Variants in HS1BP3 observed in about 807,000 individuals in gnomAD.
HS1BP3 encodes HCLS1-binding protein 3.
In HS1BP3, 32 loss-of-function variants were observed where a neutral mutation model predicts 33.5. That is an observed-to-expected ratio of 0.95 (90% CI 0.72 to 1.28). The LOEUF is 1.28. Ranked by LOEUF, HS1BP3 falls within the 50% of genes most tolerant of loss-of-function variation. The pLI is 0.00. For synonymous variants in HS1BP3, 187 were observed against 209.2 expected (o/e 0.89, Z 0.92); for missense variants, 486 against 502.3 (o/e 0.97, Z 0.31).
At chr2:20,641,402 G>C (rs115005156) in intron 2 of HS1BP3, among the ~76,000 whole-genome samples, 2 of 152,176 alleles carry the variant, frequency 1.3e-5, no homozygotes, top group African/African-American at 4.8e-5. Flanking sequence ...GAGGAAAGAT[G>C]CAATAACGGT....
intron 5 of HS1BP3, among the ~76,000 whole-genome samples, chr2:20,585,404 A>G (rs1452867332): frequency 3.9e-5 from 6 of 152,176 alleles, no homozygotes; most frequent in African/African-American, 1.2e-4. Context: ...GAAGATAACT[A>G]TATATTTGCC....
At chr2:20,633,995 A>G (rs1695043951) in intron 4 of HS1BP3, among the ~76,000 whole-genome samples, 1 of 152,232 alleles carries the variant, frequency 6.6e-6, no homozygotes, top group South Asian at 2.1e-4. Flanking sequence ...TAAGTGCTGC[A>G]CAGGTGCAGG....
At chr2:20,559,813 T>A (rs1177971203), downstream of HS1BP3, among the ~76,000 whole-genome samples, 1 of 152,180 alleles carries the variant, frequency 6.6e-6, no homozygotes, top group Non-Finnish European at 1.5e-5. Flanking sequence ...GCACTGGCAC[T>A]CATCAGCCTT....
chr2:20,558,095 C>T (rs1692884316), downstream of HS1BP3, among the ~76,000 whole-genome samples: 1 of 152,224 alleles, frequency 6.6e-6, no homozygotes, highest in African/African-American at 2.4e-5. Flanking sequence ...GCGTCTGTAT[C>T]CATGTGATTT....
downstream of HS1BP3, among the ~76,000 whole-genome samples, chr2:20,616,741 T>C (rs147125374): frequency 6.4e-4 from 97 of 152,134 alleles, 1 homozygote; most frequent in East Asian, 0.016. Context: ...GCTGAGTCCA[T>C]TGTTTTAAAG....
intron 5 of HS1BP3, among the ~76,000 whole-genome samples, chr2:20,565,945 G>A (rs990143452): frequency 7.9e-5 from 12 of 152,342 alleles, no homozygotes; most frequent in African/African-American, 1.9e-4. Flanking sequence ...ATGGCTGAGC[G>A]CTCCAAGCTA....
Position 20,604,402 on chromosome 2 carries a change from G to A in HS1BP3, c.179-6137C>T, listed in dbSNP as rs115011865. The stretch of plus-strand genomic sequence containing the variant: ...AGCCTTGGGCATGGAGTTCTCTGTC[G>A]TGAGATTACAGAAAGTCAGCATCAG... On this transcript the variant is annotated intron_variant, in intron 2 of 3. Coordinates refer to the HS1BP3 transcript ENST00000415264. Among the ~76,000 whole-genome samples, 348 of 152,286 alleles carry A rather than the reference G, an allele frequency of 2.3e-3. 1 individual carries two copies. The highest frequency in any genetic ancestry group is 8.0e-3 in the African/African-American group (332 of 41,552).
chr2:20,587,457 G>A (rs1028005220), intron 5 of HS1BP3, among the ~76,000 whole-genome samples: 1 of 152,196 alleles, frequency 6.6e-6, no homozygotes, highest in African/African-American at 2.4e-5. Context: ...AGCCCATTTA[G>A]TGTTTCAGAG....
rs59149167 is a variant in HS1BP3, at chr2:20,599,609, AACACACACACACACACAC to A, written c.179-1362_179-1345del. 5.4e-3 allele frequency among the ~76,000 whole-genome samples: 735 copies of A among 136,256 alleles called. 3 individuals are homozygous for A. The highest frequency in any genetic ancestry group is 0.011 in the Middle Eastern group (3 of 264). 89.4% of individuals were successfully genotyped at this position (136,256 alleles called of 152,430 possible). On this transcript the variant is annotated intron_variant, in intron 2 of 3. Coordinates refer to the HS1BP3 transcript ENST00000415264. ...AAATGTATTCATGGACTTCTTGTGT[AACACACACACACACACAC>A]ACACACACACACACACACACACTCT...
chr2:20,573,207 G>A (rs959720992), intron 5 of HS1BP3, among the ~76,000 whole-genome samples: 8 of 152,164 alleles, frequency 5.3e-5, no homozygotes, highest in African/African-American at 1.9e-4. Context: ...CTGGATTTAG[G>A]GTAGGTCTAC....
At chr2:20,622,214 G>A in intron 6 of HS1BP3, 1 of 1,296,590 alleles carries the variant, frequency 7.7e-7, no homozygotes, top group Non-Finnish European at 1.0e-6. Flanking sequence ...TTTATTATGA[G>A]GAAGTCCAAC....
chr2:20,602,156 A>G (rs1214639164), intron 2 of HS1BP3, among the ~76,000 whole-genome samples: 8 of 150,540 alleles, frequency 5.3e-5, no homozygotes, highest in African/African-American at 1.5e-4. Flanking sequence ...GAAGAGAGCA[A>G]GACCTGCTCT....
chr2:20,624,348 G>A (rs1412322689), intron 5 of HS1BP3, among the ~76,000 whole-genome samples: 5 of 152,272 alleles, frequency 3.3e-5, no homozygotes, highest in African/African-American at 7.2e-5. Context: ...TCCCCTCACC[G>A]GAGGACGACC....
At chr2:20,604,163 G>A (rs560087658) in intron 2 of HS1BP3, among the ~76,000 whole-genome samples, 11 of 152,194 alleles carry the variant, frequency 7.2e-5, no homozygotes, top group Non-Finnish European at 1.5e-4. Context: ...GAAACTCAGG[G>A]GAGGTTCTGG....
At chr2:20,561,445 C>T (rs1003761394) in intron 5 of HS1BP3, among the ~76,000 whole-genome samples, 1 of 152,162 alleles carries the variant, frequency 6.6e-6, no homozygotes, top group African/African-American at 2.4e-5. Context: ...AGGGCCTCAA[C>T]AGATATTTAT....
chr2:20,609,401 C>A (rs147814099), intron 2 of HS1BP3, among the ~76,000 whole-genome samples: 2 of 152,330 alleles, frequency 1.3e-5, no homozygotes, highest in East Asian at 3.9e-4. Context: ...CCCGGGGGGA[C>A]CTCTGAGCTC....
intron 3 of HS1BP3, among the ~76,000 whole-genome samples, chr2:20,596,450 C>G (rs571531723): frequency 1.4e-4 from 22 of 152,178 alleles, no homozygotes; most frequent in Non-Finnish European, 3.1e-4. Context: ...ATAAAAGAGG[C>G]TCCAGGGAGC....
chr2:20,640,716 C>T (rs1695312585), intron 3 of HS1BP3: 2 of 596,484 alleles, frequency 3.4e-6, no homozygotes, highest in African/African-American at 1.9e-5. Flanking sequence ...CCAGGAAGGC[C>T]ATGGATGGGG....
intron 4 of HS1BP3, 100 bp from the exon 5 acceptor site, chr2:20,624,992 T>C: frequency 7.2e-7 from 1 of 1,384,232 alleles, no homozygotes; most frequent in Non-Finnish European, 1.0e-6. Flanking sequence ...GTGGAGGGGC[T>C]GGATGCCATG....
Sources: gnomAD v4.1 joint callset for allele counts (sites outside exome capture counted in the v4.1 genomes callset) on GRCh38, gnomAD v4.1.1 for gene constraint, MANE v1.5 for transcripts, NCBI Gene and HGNC (gene_info 2026-07-23, HGNC 2026-07-21) for gene names.